Variants in STRBP observed in about 807,000 individuals in gnomAD.
The protein encoded by STRBP is spermatid perinuclear RNA binding protein.
Under a neutral mutation model 80.1 loss-of-function variants are expected in STRBP, and 13 were observed. The observed-to-expected ratio is 0.16, with a 90% CI of 0.11 to 0.26. The LOEUF is 0.26. Among genes scored for constraint, STRBP ranks in the 10% least tolerant of loss-of-function variants. The pLI, the probability that STRBP is intolerant of heterozygous loss-of-function variation, is 1.00. For missense variants in STRBP, 485 were observed against 815.2 expected, an observed-to-expected ratio of 0.59 and a Z score of 4.93; for synonymous variants, 284 against 291.2, an observed-to-expected ratio of 0.98 and a Z score of 0.25.
intron 14 of STRBP, among the ~76,000 whole-genome samples, chr9:123,138,866 A>C (rs918931525): frequency 2.0e-5 from 3 of 152,198 alleles, no homozygotes; most frequent in Non-Finnish European, 4.4e-5. Flanking sequence ...ATGACAAACT[A>C]AGCCTTTTTT....
At chr9:123,239,625 G>A (rs2040650422) in intron 1 of STRBP, among the ~76,000 whole-genome samples, 1 of 152,160 alleles carries the variant, frequency 6.6e-6, no homozygotes, top group Non-Finnish European at 1.5e-5. Flanking sequence ...GACAAGGACT[G>A]TCATCTCTTT....
intron 6 of STRBP, among the ~76,000 whole-genome samples, chr9:123,166,754 GCAACAACAACAACAACAACAA>G (rs72023338): frequency 4.8e-5 from 7 of 147,228 alleles, no homozygotes; most frequent in African/African-American, 1.3e-4. Flanking sequence ...ACTGTCTCCA[GCAACAACAACAACAACAACAA>G]CAACAACAAC....
At chr9:123,190,794 T>C (rs1055790780) in intron 2 of STRBP, among the ~76,000 whole-genome samples, 2 of 152,226 alleles carry the variant, frequency 1.3e-5, no homozygotes, top group Non-Finnish European at 2.9e-5. Context: ...AAGCTCTTAT[T>C]GAATAACCAA....
At chr9:123,212,202 G>A (rs2039734296) in intron 2 of STRBP, among the ~76,000 whole-genome samples, 1 of 152,100 alleles carries the variant, frequency 6.6e-6, no homozygotes, top group African/African-American at 2.4e-5. Context: ...GGGAAGGTAA[G>A]ACTATAAAAA....
At chr9:123,235,000 G>GGC (rs2040511291) in intron 2 of STRBP, among the ~76,000 whole-genome samples, 1 of 148,912 alleles carries the variant, frequency 6.7e-6, no homozygotes, top group South Asian at 2.2e-4. Flanking sequence ...TTTTTTTGGG[G>GGC]GGGGGGGGTA....
At chr9:123,223,524 G>C (rs2040140319) in intron 2 of STRBP, among the ~76,000 whole-genome samples, 1 of 152,074 alleles carries the variant, frequency 6.6e-6, no homozygotes. Flanking sequence ...AAACTCTCCA[G>C]TTAAAGAAAT....
intron 13 of STRBP, among the ~76,000 whole-genome samples, chr9:123,140,636 C>T (rs78282501): frequency 6.6e-6 from 1 of 151,770 alleles, no homozygotes; most frequent in Admixed American, 6.6e-5. Flanking sequence ...CAAAAAAAAA[C>T]AAGATTCAGT....
rs575964002 is a variant in STRBP, at chr9:123,223,076, T to C, written c.-165+13754A>G. Among the ~76,000 whole-genome samples, 28 of 151,898 alleles carry C rather than the reference T, an allele frequency of 1.8e-4. 1 individual carries two copies. The East Asian group carries it at 4.6e-3, about 25-fold the overall frequency. On this transcript the variant is annotated intron_variant, in intron 2 of 18. Coordinates refer to ENST00000348403, the MANE Select transcript of STRBP (RefSeq NM_018387.5). ...ATAGATAGATAGATAGATAGATAGATAGATAGATAGATAGATAGATAAAAA... is the reference window on the plus strand; with the variant it reads ...ATAGATAGATAGATAGATAGATAGACAGATAGATAGATAGATAGATAAAAA...
At chr9:123,227,567 C>CTT (rs113678606) in intron 2 of STRBP, among the ~76,000 whole-genome samples, 66 of 113,422 alleles carry the variant, frequency 5.8e-4, no homozygotes, top group African/African-American at 1.0e-3. Context: ...TTTTTTTTTT[C>CTT]TTTTTTTTTT....
intron 2 of STRBP, among the ~76,000 whole-genome samples, chr9:123,203,492 C>T (rs927693085): frequency 5.9e-5 from 9 of 152,102 alleles, no homozygotes; most frequent in Non-Finnish European, 1.3e-4. Context: ...AACTTCTTGG[C>T]CTCAACCTCT....
intron 2 of STRBP, among the ~76,000 whole-genome samples, chr9:123,205,032 G>A (rs888619691): frequency 5.9e-5 from 9 of 151,932 alleles, no homozygotes; most frequent in East Asian, 1.9e-4. Flanking sequence ...TTGGGAGGCC[G>A]AAGTGGGCAG....
rs2041327723 is a variant in STRBP, at chr9:123,268,427, G to C, written c.-302+9C>G. 2 of 152,352 alleles carry C rather than the reference G, an allele frequency of 1.3e-5. No individual in the cohort carries two copies. Among genetic ancestry groups the C allele is most frequent in the Non-Finnish European group, 2.9e-5 (2 of 69,792 alleles). The allele number at this position is 152,352 out of a possible 1,614,324, so 9.4% of individuals were successfully genotyped here. On this transcript the variant is annotated intron_variant, in intron 1 of 18. Coordinates refer to ENST00000348403, the MANE Select transcript of STRBP (RefSeq NM_018387.5). ...CCGCGCAGGCGCCCGCCCCGCCGCC[G>C]GAGCCTACCCGCGCCGCCGCGCTCT...
chr9:123,222,114 C>T lies in STRBP; in HGVS notation c.-165+14716G>A, dbSNP rs575926902. Among the ~76,000 whole-genome samples, 336 of 152,114 alleles carry T rather than the reference C, an allele frequency of 2.2e-3. 3 individuals carry two copies. The highest frequency in any genetic ancestry group is 7.8e-3 in the African/African-American group (324 of 41,506). ...GCTTTTCTCTCTTTCTCTTCACCTC[C>T]CTTCCTACCCCTCTCCTCGCTCTTT... On this transcript the variant is annotated intron_variant, in intron 2 of 18. Coordinates refer to ENST00000348403, the MANE Select transcript of STRBP (RefSeq NM_018387.5).
intron 1 of STRBP, among the ~76,000 whole-genome samples, chr9:123,247,403 G>T (rs2040821367): frequency 6.6e-6 from 1 of 152,082 alleles, no homozygotes; most frequent in Admixed American, 6.5e-5. Flanking sequence ...GAGTAGCTGG[G>T]ATTACAGGCT....
chr9:123,156,216 T>G (rs1185060234), intron 11 of STRBP, among the ~76,000 whole-genome samples: 1 of 152,074 alleles, frequency 6.6e-6, no homozygotes, highest in Non-Finnish European at 1.5e-5. Context: ...AATCTAAATA[T>G]ATATATAACA....
In STRBP at chr9:123,116,467, A is replaced by AC. The variant is rs1357062559; in HGVS notation, c.169-370dup. On this transcript the variant is annotated intron_variant and NMD_transcript_variant, in intron 2 of 3. Transcript: ENST00000471564. ...TGTAGCTGGCAAAAAAGAAAACAAA[A>AC]CAAAAAAACAGGCTGCCTGGCCCAG... Among the ~76,000 whole-genome samples the AC allele has an allele frequency of 5.3e-5, 8 of 152,246 alleles. No individual in the cohort carries two copies. The South Asian group carries it at 1.7e-3, about 32-fold the overall frequency.
intron 8 of STRBP, among the ~76,000 whole-genome samples, chr9:123,159,689 TCAATAAAC>T (rs1318094090): frequency 1.3e-5 from 2 of 151,758 alleles, no homozygotes; most frequent in Non-Finnish European, 2.9e-5. Context: ...ATGTCCATGT[TCAATAAAC>T]TAAGAACTCA....
At chr9:123,149,935 C>T (rs1000710605) in intron 11 of STRBP, among the ~76,000 whole-genome samples, 2 of 152,198 alleles carry the variant, frequency 1.3e-5, no homozygotes, top group Admixed American at 6.5e-5. Flanking sequence ...TCTCAAAGAG[C>T]TTACATATAC....
chr9:123,144,197 CAAA>C (rs957671357), intron 13 of STRBP, among the ~76,000 whole-genome samples: 28 of 69,042 alleles, frequency 4.1e-4, no homozygotes, highest in African/African-American at 8.7e-4. Context: ...GACTCCGTCT[CAAA>C]AAAAAAAAAA....
Sources: allele counts gnomAD v4.1 joint callset (sites outside exome capture counted in the v4.1 genomes callset), GRCh38; gene constraint gnomAD v4.1.1; transcripts MANE v1.5; gene names NCBI Gene and HGNC (gene_info 2026-07-23, HGNC 2026-07-21).